The following MED15 variants were observed in gnomAD, a reference collection of about 807,000 sequenced individuals.
MED15 encodes mediator complex subunit 15, also known as mediator of RNA polymerase II transcription subunit 15.
In MED15, 41 loss-of-function variants were observed where a neutral mutation model predicts 118.7. The ratio of observed to expected loss-of-function variants is 0.35; its 90% CI spans 0.27 to 0.45. The LOEUF (loss-of-function observed/expected upper bound fraction) is 0.45, where lower values mean the gene tolerates loss of function less well. MED15 is among the 20% of genes least tolerant of loss of function. The pLI, the probability that MED15 is intolerant of heterozygous loss-of-function variation, is 1.00. For synonymous variants in MED15, 436 were observed against 413.9 expected (o/e 1.05, Z -0.65); for missense variants, 740 against 1,025.5 (o/e 0.72, Z 3.80).
intron 1 of MED15, among the ~76,000 whole-genome samples, chr22:20,535,520 G>A (rs372469918): frequency 6.8e-4 from 103 of 152,194 alleles, no homozygotes; most frequent in Non-Finnish European, 7.4e-5. Context: ...AGGCCCCAGA[G>A]CCCTGACATG....
intron 1 of MED15, among the ~76,000 whole-genome samples, chr22:20,525,530 CTTTTTTTTT>C (rs753248152): frequency 5.3e-5 from 6 of 113,306 alleles, no homozygotes; most frequent in Admixed American, 9.3e-5. Context: ...TGACCTTTCT[CTTTTTTTTT>C]TTTTTTTTTT....
intron 2 of MED15, among the ~76,000 whole-genome samples, chr22:20,544,591 G>A (rs1337935836): frequency 4.6e-5 from 7 of 152,106 alleles, no homozygotes; most frequent in East Asian, 1.9e-4. Context: ...GGCTGAACCC[G>A]GGAGGTGGAG....
chr22:20,515,255 A>G (rs968386279), intron 1 of MED15, among the ~76,000 whole-genome samples: 1 of 152,160 alleles, frequency 6.6e-6, no homozygotes, highest in Non-Finnish European at 1.5e-5. Flanking sequence ...TCCCCTCTTC[A>G]TGCTTTCTTT....
Position 20,530,189 on chromosome 22 carries a change from C to A in MED15, c.69-6928C>A, listed in dbSNP as rs142771664. On this transcript the variant is annotated intron_variant, in intron 1 of 17. Transcript: ENST00000263205. ...CACATAGGGTAAAGGGTCCCACATA[C>A]AAGCTGTGGGCTCCTGTCCCAGGTG... Among the ~76,000 whole-genome samples the A allele has an allele frequency of 2.5e-3, 388 of 152,252 alleles. 1 individual carries two copies. Among genetic ancestry groups the A allele is most frequent in the African/African-American group, 8.7e-3 (362 of 41,540 alleles).
chr22:20,564,563 T>C lies in MED15; in HGVS notation c.565T>C (p.Phe189Leu), dbSNP rs2056365522. The part of the protein sequence containing the change: ...QQQQQQQQQQ[F>L]QAQQSAMQQQ... The stretch of plus-strand genomic sequence containing the variant: ...GCAGCAGCAGCAGCAACAGCAGCAG[T>C]TCCAGGCTCAGCAGAGTGCCATGCA... Residue 189 changes from phenylalanine to leucine, a missense_variant, in exon 6 of 18, where the codon TTC becomes CTC. Phe to Leu is a conservative substitution (Grantham distance 22). Around this residue, in one of 7 missense-constraint regions of MED15, gnomAD observed 384 missense variants for 506.3 expected, o/e 0.76. Coordinates refer to ENST00000263205, the MANE Select transcript of MED15 (RefSeq NM_001003891.3). 6.2e-7 allele frequency: 1 copy of C among 1,604,332 alleles called. No homozygotes were observed. Among genetic ancestry groups the C allele is most frequent in the African/African-American group, 1.3e-5 (1 of 74,432 alleles).
intron 5 of MED15, among the ~76,000 whole-genome samples, chr22:20,557,878 G>A (rs537373521): frequency 2.0e-5 from 3 of 152,274 alleles, no homozygotes; most frequent in East Asian, 3.9e-4. Flanking sequence ...AGGCTGAGGC[G>A]GGCGGATCAC....
rs755341346 is a variant in MED15, at chr22:20,507,655, G to C, written c.-24G>C. 1.9e-6 allele frequency: 3 copies of C among 1,613,714 alleles called. No individual in the cohort carries two copies. In the East Asian group the frequency reaches 6.7e-5, roughly 36 times the overall value. On this transcript the variant is annotated 5_prime_UTR_variant, in exon 1 of 18. Coordinates refer to ENST00000263205, the MANE Select transcript of MED15 (RefSeq NM_001003891.3). ...GGCGGTGGCGGCCAAGCGGGATACG[G>C]GCGGCGGGAGCTGGGGAACAGGCAT...
rs1027426635 is a variant in MED15, at chr22:20,550,929, G to T, written c.157-507G>T. 21 of 351,196 alleles carry T rather than the reference G, an allele frequency of 6.0e-5. No homozygotes were observed. The East Asian group carries it at 1.5e-3, about 25-fold the overall frequency. 21.8% of individuals were successfully genotyped at this position (351,196 alleles called of 1,614,324 possible). On this transcript the variant is annotated intron_variant, in intron 2 of 17. Transcript: ENST00000263205. Reference sequence around the variant, plus strand: ...ATGAACACAGATTCTCCCGGAAAGCGCAGCCAGGGGAGGGCCGCCCAGATT... The same window carrying T: ...ATGAACACAGATTCTCCCGGAAAGCTCAGCCAGGGGAGGGCCGCCCAGATT...
At chr22:20,535,124 AT>A (rs906776933) in intron 1 of MED15, among the ~76,000 whole-genome samples, 2 of 151,656 alleles carry the variant, frequency 1.3e-5, no homozygotes, top group African/African-American at 2.4e-5. Flanking sequence ...CACCCGACTA[AT>A]TTTTGTATTT....
chr22:20,572,243 T>C (rs1163498075), intron 8 of MED15, among the ~76,000 whole-genome samples: 1 of 152,196 alleles, frequency 6.6e-6, no homozygotes, highest in Non-Finnish European at 1.5e-5. Flanking sequence ...GAGCTCCCCT[T>C]GTGTTGTTCA....
chr22:20,551,555 G>A (rs2055777263), intron 3 of MED15, 68 bp downstream of exon 3: 1 of 1,472,482 alleles, frequency 6.8e-7, no homozygotes, highest in Admixed American at 1.7e-5. Context: ...CGCTGCCTCG[G>A]CAGAGCTTTC....
At position 20,582,673 on chromosome 22, in the gene MED15, G is replaced by A. The variant is rs1439844479; in HGVS notation, c.1335G>A (p.Pro445=). The A allele has an allele frequency of 2.6e-5, 41 of 1,596,000 alleles. No homozygotes were observed. The highest frequency in any genetic ancestry group is 6.7e-5 in the Admixed American group (4 of 59,512). Residue 445 remains proline (P), a synonymous_variant, in exon 10 of 18, where the codon CCG becomes CCA. Transcript: ENST00000263205. ...SPSPGQQVQT[P]QSMPPPPQPS... ...CACCGGGCCAGCAGGTGCAGACCCC[G>A]CAGTCGATGCCCCCTCCCCCCCAGC...
intron 2 of MED15, among the ~76,000 whole-genome samples, chr22:20,543,259 T>C (rs1470059334): frequency 7.2e-6 from 1 of 138,702 alleles, no homozygotes; most frequent in Non-Finnish European, 1.5e-5. Flanking sequence ...TCGCCCAGGC[T>C]GGAGTGCAGT....
intron 1 of MED15, chr22:20,508,391 T>C: frequency 7.7e-7 from 1 of 1,304,166 alleles, no homozygotes; most frequent in Non-Finnish European, 1.0e-6. Flanking sequence ...CTTGTTTCTG[T>C]TAGCAGTTTT....
chr22:20,551,786 T>G (rs866147882), intron 3 of MED15: 10 of 433,610 alleles, frequency 2.3e-5, no homozygotes, highest in Admixed American at 4.0e-5. Flanking sequence ...GGGCTGTTGT[T>G]TTTACTTCTG....
Position 20,566,511 on chromosome 22 carries a change from G to A in MED15, c.735G>A (p.Gln245=). The A allele has an allele frequency of 6.2e-7, 1 of 1,609,866 alleles. No homozygotes were observed. The highest frequency in any genetic ancestry group is 8.5e-7 in the Non-Finnish European group (1 of 1,177,650). ...QQQLQRIAQL[Q]LQQQQQQQQQ... ...AGCTGCAGCGAATAGCACAGCTGCA[G>A]CTCCAACAACAGCAACAGCAGCAGC... The change falls in exon 7 of 18, where the codon CAG becomes CAA. Residue 245 remains glutamine, a synonymous_variant. Coordinates refer to ENST00000263205, the MANE Select transcript of MED15 (RefSeq NM_001003891.3).
At chr22:20,525,049 C>T (rs2146387749) in intron 1 of MED15, among the ~76,000 whole-genome samples, 1 of 152,098 alleles carries the variant, frequency 6.6e-6, no homozygotes, top group South Asian at 2.1e-4. Context: ...ACCTATAATC[C>T]AGCACTTTGG....
intron 1 of MED15, among the ~76,000 whole-genome samples, chr22:20,525,530 CTTTTTTTTTTTT>C (rs753248152): frequency 8.8e-6 from 1 of 113,316 alleles, no homozygotes; most frequent in South Asian, 3.0e-4. Context: ...TGACCTTTCT[CTTTTTTTTTTTT>C]TTTTTTTTTT....
In MED15 at chr22:20,586,905, G is replaced by C. The variant is rs2057152017; in HGVS notation, c.*201G>C. ...AGGCGCAGTGGAGCGGGTTGCTTGG[G>C]GGGCGTTGGCCGACTTCTTAGAGAA... On this transcript the variant is annotated 3_prime_UTR_variant, in exon 18 of 18. Transcript: ENST00000263205. 2 of 822,358 alleles carry C rather than the reference G, an allele frequency of 2.4e-6. No homozygotes were observed. The highest frequency in any genetic ancestry group is 3.6e-6 in the Non-Finnish European group (2 of 549,804). 50.9% of individuals were successfully genotyped at this position (822,358 alleles called of 1,614,324 possible). A position where few individuals can be genotyped will look rare whatever the true frequency, so the allele number is the denominator to read the frequency against.
Sources: gnomAD v4.1 joint callset for allele counts (sites outside exome capture counted in the v4.1 genomes callset) on GRCh38, gnomAD v4.1.1 for gene constraint, gnomAD v4.1.1 regional missense constraint, MANE v1.5 for transcripts, NCBI Gene and HGNC (gene_info 2026-07-23, HGNC 2026-07-21) for gene names.